LRRC4C: variants seen among roughly 807,000 people sequenced by gnomAD.
LRRC4C encodes leucine rich repeat containing 4C.
LRRC4C carries 5 observed loss-of-function variants against 33.6 expected under a neutral mutation model. The observed-to-expected ratio is 0.15, with a 90% CI of 0.08 to 0.31. The LOEUF is 0.31. Ranked by LOEUF, LRRC4C falls within the 10% of genes least tolerant of loss-of-function variation. The pLI, the probability that LRRC4C is intolerant of heterozygous loss-of-function variation, is 1.00. For synonymous variants in LRRC4C, 329 were observed against 302.0 expected (o/e 1.09, Z -0.93); for missense variants, 560 against 796.7 (o/e 0.70, Z 3.58).
At chr11:40,367,675 A>G (rs1948270705) in intron 3 of LRRC4C, among the ~76,000 whole-genome samples, 1 of 152,104 alleles carries the variant, frequency 6.6e-6, no homozygotes, top group African/African-American at 2.4e-5. Flanking sequence ...TTATCCATAT[A>G]TCTTATGTCC....
chr11:41,334,243 A>G (rs1951381688), intron 1 of LRRC4C, among the ~76,000 whole-genome samples: 1 of 152,218 alleles, frequency 6.6e-6, no homozygotes, highest in South Asian at 2.1e-4. Context: ...GGCTTTGCAG[A>G]AAGGTTTGTA....
chr11:40,783,200 G>T (rs1472912268), intron 2 of LRRC4C, among the ~76,000 whole-genome samples: 3 of 152,078 alleles, frequency 2.0e-5, no homozygotes, highest in Non-Finnish European at 4.4e-5. Context: ...TTTGTTAATT[G>T]TATGTCTATA....
chr11:40,889,638 C>T (rs1955614722), intron 2 of LRRC4C, among the ~76,000 whole-genome samples: 2 of 152,062 alleles, frequency 1.3e-5, no homozygotes, highest in Admixed American at 1.3e-4. Flanking sequence ...TCCATTATCT[C>T]TTTTTGGGTG....
At chr11:40,897,300 G>A (rs1955989109) in intron 2 of LRRC4C, among the ~76,000 whole-genome samples, 1 of 152,106 alleles carries the variant, frequency 6.6e-6, no homozygotes, top group South Asian at 2.1e-4. Flanking sequence ...TTTAAAAACA[G>A]GAAAATCAAT....
intron 3 of LRRC4C, among the ~76,000 whole-genome samples, chr11:40,609,486 C>A (rs542142735): frequency 6.6e-6 from 1 of 151,610 alleles, no homozygotes; most frequent in Non-Finnish European, 1.5e-5. Flanking sequence ...AATTTTGTAC[C>A]TCAACACACT....
At chr11:40,864,661 A>G (rs1167921678) in intron 2 of LRRC4C, among the ~76,000 whole-genome samples, 1 of 152,228 alleles carries the variant, frequency 6.6e-6, no homozygotes, top group Non-Finnish European at 1.5e-5. Flanking sequence ...GGATTAAGGT[A>G]CCCTTTCAAA....
intron 5 of LRRC4C, among the ~76,000 whole-genome samples, chr11:40,199,410 G>A (rs1862525842): frequency 6.6e-6 from 1 of 152,116 alleles, no homozygotes; most frequent in African/African-American, 2.4e-5. Flanking sequence ...GGGGAAGGAG[G>A]GGTCCCAATT....
chr11:41,368,089 C>T (rs765642516), intron 1 of LRRC4C, among the ~76,000 whole-genome samples: 1 of 152,122 alleles, frequency 6.6e-6, no homozygotes, highest in Non-Finnish European at 1.5e-5. Flanking sequence ...TCTATTTCTG[C>T]TATATATTTA....
At chr11:40,308,150 T>C (rs35722083) in intron 4 of LRRC4C, among the ~76,000 whole-genome samples, 10,237 of 152,252 alleles carry the variant, frequency 0.067, 508 homozygotes, top group East Asian at 0.22. Flanking sequence ...TGAACCTTTT[T>C]TCCCCCCATC....
chr11:40,410,118 T>C (rs1355423868), intron 3 of LRRC4C, among the ~76,000 whole-genome samples: 2 of 152,042 alleles, frequency 1.3e-5, no homozygotes, highest in African/African-American at 2.4e-5. Flanking sequence ...GTAGTTGTTA[T>C]AGAGACATCT....
chr11:41,456,205 A>C (rs1263086765), intron 1 of LRRC4C, among the ~76,000 whole-genome samples: 1 of 152,228 alleles, frequency 6.6e-6, no homozygotes, highest in East Asian at 1.9e-4. Flanking sequence ...CTTATTAGCC[A>C]CAGTTTCAGC....
intron 1 of LRRC4C, among the ~76,000 whole-genome samples, chr11:41,224,692 A>C (rs1157353009): frequency 6.6e-6 from 1 of 152,178 alleles, no homozygotes; most frequent in Admixed American, 6.5e-5. Flanking sequence ...ATGTCAACGT[A>C]CTCATTAGCC....
intron 2 of LRRC4C, among the ~76,000 whole-genome samples, chr11:40,808,942 G>A (rs775037045): frequency 1.3e-4 from 20 of 151,998 alleles, no homozygotes; most frequent in Non-Finnish European, 2.8e-4. Flanking sequence ...TCACTTATTT[G>A]TCTTTTTAAT....
At chr11:40,208,855 G>T (rs902093376) in intron 5 of LRRC4C, among the ~76,000 whole-genome samples, 1 of 151,804 alleles carries the variant, frequency 6.6e-6, no homozygotes, top group African/African-American at 2.4e-5. Flanking sequence ...CACATTCACC[G>T]ACTTCAACTC....
intron 2 of LRRC4C, among the ~76,000 whole-genome samples, chr11:40,776,339 C>T (rs2137226032): frequency 6.6e-6 from 1 of 151,196 alleles, no homozygotes; most frequent in Non-Finnish European, 1.5e-5. Flanking sequence ...TTATAGAATT[C>T]AGCTGTGAAT....
chr11:41,044,145 C>T (rs1240883817), intron 1 of LRRC4C, among the ~76,000 whole-genome samples: 1 of 151,952 alleles, frequency 6.6e-6, no homozygotes, highest in African/African-American at 2.4e-5. Flanking sequence ...AAAATCTGAG[C>T]TGAACATAAT....
chr11:40,515,689 T>C (rs958610088), intron 3 of LRRC4C, among the ~76,000 whole-genome samples: 3 of 152,042 alleles, frequency 2.0e-5, no homozygotes, highest in Non-Finnish European at 4.4e-5. Context: ...GTAAAATAAC[T>C]CCAATTTTGT....
At chr11:41,236,877 T>C (rs1186090746) in intron 1 of LRRC4C, among the ~76,000 whole-genome samples, 1 of 152,194 alleles carries the variant, frequency 6.6e-6, no homozygotes, top group African/African-American at 2.4e-5. Flanking sequence ...CATTGTAGTC[T>C]AGCTGCACAC....
intron 3 of LRRC4C, among the ~76,000 whole-genome samples, chr11:40,581,656 C>T (rs555236523): frequency 6.6e-6 from 1 of 152,294 alleles, no homozygotes; most frequent in East Asian, 1.9e-4. Flanking sequence ...GTAATCCCAG[C>T]ACTTTGGTAG....
Sources: allele counts gnomAD v4.1 joint callset (sites outside exome capture counted in the v4.1 genomes callset), GRCh38; gene constraint gnomAD v4.1.1; transcripts MANE v1.5; gene names NCBI Gene and HGNC (gene_info 2026-07-23, HGNC 2026-07-21).